ENTHD1: variants seen among roughly 807,000 people sequenced by gnomAD.
ENTHD1 encodes the protein ENTH domain-containing protein 1.
ENTHD1 carries 23 observed loss-of-function variants against 39.1 expected under a neutral mutation model. That is an observed-to-expected ratio of 0.59 (90% confidence interval 0.42 to 0.83). ENTHD1 has a LOEUF of 0.83. Among genes scored for constraint, ENTHD1 ranks in the 40% least tolerant of loss-of-function variants. ENTHD1 has a pLI of 0.00. For synonymous variants in ENTHD1, 230 were observed against 258.2 expected, an observed-to-expected ratio of 0.89 and a Z score of 1.05; for missense variants, 624 against 705.4, an observed-to-expected ratio of 0.88 and a Z score of 1.31.
At chr22:39,828,263 C>T (rs552988072) in intron 4 of ENTHD1, among the ~76,000 whole-genome samples, 7 of 152,164 alleles carry the variant, frequency 4.6e-5, no homozygotes, top group Non-Finnish European at 8.8e-5. Flanking sequence ...TACTCTTTAC[C>T]CTGTGATGTT....
At chr22:39,839,507 G>A (rs2065929054) in intron 3 of ENTHD1, among the ~76,000 whole-genome samples, 2 of 152,192 alleles carry the variant, frequency 1.3e-5, no homozygotes, top group South Asian at 4.1e-4. Context: ...GGCAAAGGGA[G>A]AAAGTATGGT....
chr22:39,882,323 G>A (rs2066344750), intron 2 of ENTHD1, among the ~76,000 whole-genome samples: 2 of 152,012 alleles, frequency 1.3e-5, no homozygotes, highest in Non-Finnish European at 2.9e-5. Context: ...GAGTAGTTGG[G>A]GATAGAGGGA....
At chr22:39,868,800 A>C (rs981928702) in intron 2 of ENTHD1, among the ~76,000 whole-genome samples, 1 of 152,200 alleles carries the variant, frequency 6.6e-6, no homozygotes, top group African/African-American at 2.4e-5. Context: ...AACCCAACTA[A>C]AAAATGGGCA....
At chr22:39,799,720 G>A (rs532062102) in intron 5 of ENTHD1, among the ~76,000 whole-genome samples, 2 of 152,276 alleles carry the variant, frequency 1.3e-5, no homozygotes, top group Non-Finnish European at 2.9e-5. Flanking sequence ...CCCTTACTGC[G>A]CATGTGTTAA....
At chr22:39,756,340 G>GCA (rs748543290) in intron 6 of ENTHD1, among the ~76,000 whole-genome samples, 9 of 121,836 alleles carry the variant, frequency 7.4e-5, no homozygotes, top group Admixed American at 8.0e-5. Flanking sequence ...ACACACACAC[G>GCA]CACACACTTT....
At chr22:39,885,153 C>T (rs567551302) in intron 2 of ENTHD1, among the ~76,000 whole-genome samples, 2 of 152,204 alleles carry the variant, frequency 1.3e-5, no homozygotes, top group Admixed American at 6.5e-5. Context: ...AATACTCAAA[C>T]AGTTGTTTTA....
intron 2 of ENTHD1, among the ~76,000 whole-genome samples, chr22:39,868,788 A>G (rs1468378249): frequency 6.6e-6 from 1 of 152,218 alleles, no homozygotes; most frequent in East Asian, 1.9e-4. Flanking sequence ...CAAAAAACAA[A>G]TAACCCAACT....
chr22:39,786,853 G>C (rs2065463030), intron 5 of ENTHD1, among the ~76,000 whole-genome samples: 1 of 152,156 alleles, frequency 6.6e-6, no homozygotes, highest in Non-Finnish European at 1.5e-5. Context: ...TATTCATGTT[G>C]TCACAAATGA....
chr22:39,841,512 A>G (rs1017700945), intron 3 of ENTHD1, among the ~76,000 whole-genome samples: 3 of 150,800 alleles, frequency 2.0e-5, no homozygotes, highest in East Asian at 3.9e-4. Context: ...GTCTCTTTTG[A>G]TCTTTGTTGG....
intron 3 of ENTHD1, among the ~76,000 whole-genome samples, chr22:39,853,430 G>A (rs1321742464): frequency 2.0e-5 from 3 of 152,070 alleles, no homozygotes; most frequent in Non-Finnish European, 4.4e-5. Context: ...AGCTACTTAG[G>A]AGGCTGAGGC....
chr22:39,833,941 C>CAAA (rs59299623), intron 4 of ENTHD1, among the ~76,000 whole-genome samples: 62 of 117,886 alleles, frequency 5.3e-4, no homozygotes, highest in African/African-American at 6.3e-4. Flanking sequence ...TATACTTGGG[C>CAAA]AAAAAAAAAA....
intron 4 of ENTHD1, among the ~76,000 whole-genome samples, chr22:39,827,268 G>C (rs528955129): frequency 6.6e-6 from 1 of 152,190 alleles, no homozygotes; most frequent in Admixed American, 6.5e-5. Flanking sequence ...ACCCGCCTCA[G>C]CCTCTCAAAG....
intron 3 of ENTHD1, among the ~76,000 whole-genome samples, chr22:39,860,501 A>C (rs2066131036): frequency 1.3e-5 from 2 of 152,234 alleles, no homozygotes; most frequent in Admixed American, 6.5e-5. Context: ...ATTTGCTACT[A>C]TAATTACAAT....
Position 39,854,269 on chromosome 22 carries a change from A to T in ENTHD1, c.592+7496T>A, listed in dbSNP as rs558321239. On this transcript the variant is annotated intron_variant, in intron 3 of 6. Coordinates refer to ENST00000325157, the MANE Select transcript of ENTHD1 (RefSeq NM_152512.4). ...AGTTATAACAACATTGAACAAAAGG[A>T]TGTTATTCAAGGACCTACTGTATAA... 1.3e-3 allele frequency among the ~76,000 whole-genome samples: 195 copies of T among 152,310 alleles called. 2 individuals are homozygous for T. In the Middle Eastern group the frequency reaches 0.024, roughly 19 times the overall value.
At chr22:39,751,854 T>C (rs1215983697) in intron 6 of ENTHD1, among the ~76,000 whole-genome samples, 1 of 152,228 alleles carries the variant, frequency 6.6e-6, no homozygotes, top group Non-Finnish European at 1.5e-5. Flanking sequence ...CCATACTTGC[T>C]ATGTAAATGT....
intron 3 of ENTHD1, among the ~76,000 whole-genome samples, chr22:39,860,170 C>T (rs1173971763): frequency 6.6e-6 from 1 of 152,148 alleles, no homozygotes; most frequent in Non-Finnish European, 1.5e-5. Context: ...TTACTCACTC[C>T]TATAGTTCCA....
At chr22:39,796,874 G>A (rs149286921) in intron 5 of ENTHD1, among the ~76,000 whole-genome samples, 137 of 152,296 alleles carry the variant, frequency 9.0e-4, no homozygotes, top group African/African-American at 3.3e-3. Context: ...ATAGATGGCT[G>A]TTAGGTCCAT....
chr22:39,745,525 T>C (rs375881075), intron 6 of ENTHD1, among the ~76,000 whole-genome samples: 19 of 152,158 alleles, frequency 1.2e-4, no homozygotes, highest in African/African-American at 4.1e-4. Flanking sequence ...AAAATTCCAA[T>C]CACAAAACTT....
At chr22:39,771,326 G>T (rs1402015747) in intron 5 of ENTHD1, among the ~76,000 whole-genome samples, 2 of 152,100 alleles carry the variant, frequency 1.3e-5, no homozygotes, top group East Asian at 3.9e-4. Flanking sequence ...GGGGAAGTTT[G>T]CTGTTTTTCC....
Sources: gnomAD v4.1 joint callset for allele counts (sites outside exome capture counted in the v4.1 genomes callset) on GRCh38, gnomAD v4.1.1 for gene constraint, MANE v1.5 for transcripts, NCBI Gene and HGNC (gene_info 2026-07-23, HGNC 2026-07-21) for gene names.